Variants in GPM6A observed in about 807,000 individuals in gnomAD.
GPM6A encodes the protein glycoprotein M6A.
A neutral mutation model predicts 32.1 loss-of-function variants in GPM6A; 7 were observed. The ratio of observed to expected loss-of-function variants is 0.22; its 90% confidence interval spans 0.12 to 0.41. The LOEUF (loss-of-function observed/expected upper bound fraction) is 0.41, where lower values mean the gene tolerates loss of function less well. GPM6A is among the 10% of genes least tolerant of loss of function. The pLI is 1.00. For synonymous variants in GPM6A, 130 were observed against 123.4 expected (o/e 1.05, Z -0.35); for missense variants, 235 against 347.2 (o/e 0.68, Z 2.57).
At chr4:175,798,450 C>T (rs1258076613) in intron 1 of GPM6A, among the ~76,000 whole-genome samples, 3 of 152,116 alleles carry the variant, frequency 2.0e-5, no homozygotes, top group Non-Finnish European at 4.4e-5. Flanking sequence ...TACATAATTG[C>T]CTCATTTAAA....
chr4:175,751,788 T>C (rs571195577), intron 1 of GPM6A, among the ~76,000 whole-genome samples: 1 of 152,226 alleles, frequency 6.6e-6, no homozygotes, highest in South Asian at 2.1e-4. Flanking sequence ...GTTTGTTTGT[T>C]TGTTTTACAA....
intron 1 of GPM6A, among the ~76,000 whole-genome samples, chr4:175,793,304 T>A (rs1734083738): frequency 6.6e-6 from 1 of 152,164 alleles, no homozygotes; most frequent in Non-Finnish European, 1.5e-5. Flanking sequence ...CGTCCCTACC[T>A]CACAGCAATT....
chr4:175,797,960 A>G (rs563500077), intron 1 of GPM6A, among the ~76,000 whole-genome samples: 1 of 152,272 alleles, frequency 6.6e-6, no homozygotes, highest in South Asian at 2.1e-4. Context: ...ATCCACAAAA[A>G]TAGAATTACC....
intron 1 of GPM6A, among the ~76,000 whole-genome samples, chr4:175,934,041 C>T (rs1041672450): frequency 6.6e-6 from 1 of 152,188 alleles, no homozygotes; most frequent in Admixed American, 6.5e-5. Context: ...TCAAAAGTTA[C>T]ATCCATTTAT....
intron 1 of GPM6A, among the ~76,000 whole-genome samples, chr4:175,872,156 T>TA (rs1736930790): frequency 1.3e-5 from 2 of 152,212 alleles, no homozygotes; most frequent in African/African-American, 4.8e-5. Flanking sequence ...AACATGTTTT[T>TA]ATCTTCTCTC....
At chr4:175,901,101 T>A in intron 1 of GPM6A, among the ~76,000 whole-genome samples, 1 of 136,254 alleles carries the variant, frequency 7.3e-6, no homozygotes, top group African/African-American at 2.8e-5. Context: ...ACATAGAGAG[T>A]GGAGAATGGT....
At chr4:175,639,524 G>C (rs369380418) in intron 6 of GPM6A, among the ~76,000 whole-genome samples, 6 of 152,044 alleles carry the variant, frequency 3.9e-5, no homozygotes, top group Non-Finnish European at 8.8e-5. Flanking sequence ...ACTTGCTCAG[G>C]GTTGATATTT....
chr4:175,882,672 C>G (rs1321967655), intron 1 of GPM6A, among the ~76,000 whole-genome samples: 1 of 151,948 alleles, frequency 6.6e-6, no homozygotes, highest in East Asian at 1.9e-4. Context: ...ATAGTATAAA[C>G]CAGGTGCTAT....
chr4:175,778,158 T>A (rs1231225445), intron 1 of GPM6A, among the ~76,000 whole-genome samples: 2 of 152,190 alleles, frequency 1.3e-5, no homozygotes, highest in Non-Finnish European at 2.9e-5. Context: ...ACCAGAATTC[T>A]GTTTTCTTAT....
At chr4:175,784,495 A>C (rs1733724109) in intron 1 of GPM6A, among the ~76,000 whole-genome samples, 1 of 152,196 alleles carries the variant, frequency 6.6e-6, no homozygotes, top group Admixed American at 6.6e-5. Context: ...TTATGTAAAC[A>C]TTCAGAGGAA....
At chr4:175,657,423 A>G (rs1301020808) in intron 3 of GPM6A, among the ~76,000 whole-genome samples, 1 of 152,184 alleles carries the variant, frequency 6.6e-6, no homozygotes, top group Non-Finnish European at 1.5e-5. Flanking sequence ...AAATCACTGC[A>G]GGTGATTCTC....
At chr4:175,761,424 A>T (rs1204722772) in intron 1 of GPM6A, among the ~76,000 whole-genome samples, 1 of 152,174 alleles carries the variant, frequency 6.6e-6, no homozygotes, top group African/African-American at 2.4e-5. Flanking sequence ...ACACTGCTGC[A>T]TACAATATGA....
intron 3 of GPM6A, among the ~76,000 whole-genome samples, chr4:175,659,964 G>T (rs1742307978): frequency 6.6e-6 from 1 of 152,032 alleles, no homozygotes; most frequent in Non-Finnish European, 1.5e-5. Flanking sequence ...ACAAATAAAA[G>T]GCAACTGTTC....
chr4:175,634,831 A>T lies in GPM6A; in HGVS notation c.*74T>A. 1 of 1,291,832 alleles carries T rather than the reference A, an allele frequency of 7.7e-7. No individual in the cohort carries two copies. Among genetic ancestry groups the T allele is most frequent in the Non-Finnish European group, 1.1e-6 (1 of 910,914 alleles). 80.0% of individuals were successfully genotyped at this position (1,291,832 alleles called of 1,614,324 possible). A position where few individuals can be genotyped will look rare whatever the true frequency, so the allele number is the denominator to read the frequency against. ...GAGAAGCACTTTCGTTTTGTTTTTT[A>T]AAGGTTGGATGGTTGGATGGCCCTT... On this transcript the variant is annotated 3_prime_UTR_variant, in exon 7 of 7. Coordinates refer to ENST00000393658, the MANE Select transcript of GPM6A (RefSeq NM_201591.3).
intron 1 of GPM6A, chr4:175,891,834 T>C (rs543765488): frequency 6.6e-6 from 1 of 152,286 alleles, no homozygotes; most frequent in South Asian, 2.1e-4. Context: ...ACTCATAATT[T>C]CAAAGCTCAT....
At chr4:175,968,019 C>G (rs1024492880) in intron 1 of GPM6A, among the ~76,000 whole-genome samples, 1 of 152,086 alleles carries the variant, frequency 6.6e-6, no homozygotes, top group African/African-American at 2.4e-5. Flanking sequence ...GACTTTAAGA[C>G]TTACCACAAA....
At chr4:175,663,961 G>C (rs1206855439) in intron 3 of GPM6A, among the ~76,000 whole-genome samples, 2 of 151,986 alleles carry the variant, frequency 1.3e-5, no homozygotes, top group Admixed American at 1.3e-4. Context: ...CAAGGTGCTG[G>C]GAGTACAGGC....
At chr4:175,741,094 C>T (rs957886419) in intron 1 of GPM6A, among the ~76,000 whole-genome samples, 34 of 152,124 alleles carry the variant, frequency 2.2e-4, no homozygotes, top group African/African-American at 6.7e-4. Context: ...GGTTCTCCAA[C>T]GTATTCACAG....
At chr4:175,959,676 C>T (rs1233638860) in intron 1 of GPM6A, among the ~76,000 whole-genome samples, 1 of 152,144 alleles carries the variant, frequency 6.6e-6, no homozygotes, top group Admixed American at 6.5e-5. Context: ...TCACTGGACA[C>T]ATTCCTGCCT....
Sources: allele counts gnomAD v4.1 joint callset (sites outside exome capture counted in the v4.1 genomes callset), GRCh38; gene constraint gnomAD v4.1.1; transcripts MANE v1.5; gene names NCBI Gene and HGNC (gene_info 2026-07-23, HGNC 2026-07-21).